The following TMEM156 variants were observed in gnomAD, a reference collection of about 807,000 sequenced individuals.
TMEM156 encodes transmembrane protein 156.
In TMEM156, 28 loss-of-function variants were observed where a neutral mutation model predicts 30.5. The ratio of observed to expected loss-of-function variants is 0.92; its 90% CI spans 0.68 to 1.26. The LOEUF (loss-of-function observed/expected upper bound fraction) is 1.26, where lower values mean the gene tolerates loss of function less well. Ranked by LOEUF, TMEM156 falls within the 50% of genes most tolerant of loss-of-function variation. The probability of loss-of-function intolerance (pLI) is 0.00; values close to 1 mark genes in which losing one functional copy is unlikely to be tolerated. For missense variants in TMEM156, 351 were observed against 340.6 expected (o/e 1.03, Z -0.24); for synonymous variants, 137 against 119.9 (o/e 1.14, Z -0.93).
At chr4:38,976,770 G>A (rs962624427) in intron 5 of TMEM156, among the ~76,000 whole-genome samples, 1 of 152,200 alleles carries the variant, frequency 6.6e-6, no homozygotes, top group Admixed American at 6.5e-5. Context: ...AGAAGCCTAG[G>A]AGCCTGGATT....
chr4:38,976,897 T>C (rs1722881835), intron 5 of TMEM156, among the ~76,000 whole-genome samples: 1 of 88,102 alleles, frequency 1.1e-5, no homozygotes, highest in Non-Finnish European at 2.7e-5. Flanking sequence ...TCTTTTGTTG[T>C]TGTTGTTGTT....
chr4:39,020,925 C>A (rs1714824500), intron 1 of TMEM156, among the ~76,000 whole-genome samples: 1 of 152,172 alleles, frequency 6.6e-6, no homozygotes, highest in South Asian at 2.1e-4. Flanking sequence ...CAACAGTATA[C>A]AAGGGTTCCC....
intron 1 of TMEM156, among the ~76,000 whole-genome samples, chr4:39,019,256 T>C (rs1000371390): frequency 6.6e-5 from 10 of 152,224 alleles, no homozygotes; most frequent in African/African-American, 2.4e-4. Flanking sequence ...TCCATGTCTC[T>C]TAACTTCTGT....
intron 4 of TMEM156, among the ~76,000 whole-genome samples, chr4:38,987,916 T>A (rs1712119384): frequency 6.6e-6 from 1 of 152,216 alleles, no homozygotes; most frequent in Non-Finnish European, 1.5e-5. Flanking sequence ...ACTCATATTA[T>A]GAATTGTCCA....
intron 1 of TMEM156, among the ~76,000 whole-genome samples, chr4:39,001,488 T>C (rs1450669164): frequency 6.6e-6 from 1 of 150,394 alleles, no homozygotes; most frequent in East Asian, 1.9e-4. Flanking sequence ...TGGGGCAAAA[T>C]ATATTTTTAA....
At chr4:39,031,861 C>A (rs951230625) in intron 1 of TMEM156, among the ~76,000 whole-genome samples, 1 of 121,152 alleles carries the variant, frequency 8.3e-6, no homozygotes. Context: ...CCAGCCTGAG[C>A]GACAGAGACT....
At chr4:39,005,206 T>C (rs575192164) in intron 1 of TMEM156, among the ~76,000 whole-genome samples, 2 of 152,330 alleles carry the variant, frequency 1.3e-5, no homozygotes, top group South Asian at 2.1e-4. Flanking sequence ...TCTTCTGTAA[T>C]GGAGCTTTGT....
intron 4 of TMEM156, 54 bp from the exon 5 acceptor site, chr4:38,986,473 C>A: frequency 2.3e-6 from 3 of 1,298,868 alleles, no homozygotes; most frequent in Non-Finnish European, 3.3e-6. Context: ...GCATTGTTAA[C>A]ATATATTCCC....
intron 1 of TMEM156, among the ~76,000 whole-genome samples, chr4:39,018,802 C>T (rs1714669780): frequency 6.6e-6 from 1 of 152,116 alleles, no homozygotes; most frequent in African/African-American, 2.4e-5. Flanking sequence ...GGGCAGATCA[C>T]CTTAGGTCAA....
chr4:38,983,084 A>T (rs116832064), intron 5 of TMEM156, among the ~76,000 whole-genome samples: 33 of 152,270 alleles, frequency 2.2e-4, no homozygotes, highest in African/African-American at 7.7e-4. Context: ...TGGCCCCAGC[A>T]GTTCAGAGGG....
intron 1 of TMEM156, among the ~76,000 whole-genome samples, chr4:39,014,736 C>T (rs1714366006): frequency 7.6e-6 from 1 of 132,284 alleles, no homozygotes; most frequent in African/African-American, 2.9e-5. Context: ...ACAGCCTGGG[C>T]AGCAAAGTGA....
At chr4:38,989,749 CA>C (rs1430671635) in intron 3 of TMEM156, among the ~76,000 whole-genome samples, 1 of 152,134 alleles carries the variant, frequency 6.6e-6, no homozygotes, top group Admixed American at 6.5e-5. Context: ...AGCTAACACA[CA>C]ACTGTCTACT....
chr4:38,998,595 T>C (rs1713097225), intron 2 of TMEM156, 45 bp downstream of exon 2: 1 of 1,525,504 alleles, frequency 6.6e-7, no homozygotes, highest in East Asian at 2.4e-5. Flanking sequence ...AATAAATTAA[T>C]TTATACCTGA....
intron 1 of TMEM156, among the ~76,000 whole-genome samples, chr4:39,026,484 A>C (rs1248850603): frequency 6.6e-6 from 1 of 152,236 alleles, no homozygotes. Context: ...CTAACAGATT[A>C]GAGAATAAAG....
chr4:39,025,612 G>C (rs1392030667), intron 1 of TMEM156, among the ~76,000 whole-genome samples: 1 of 152,180 alleles, frequency 6.6e-6, no homozygotes, highest in African/African-American at 2.4e-5. Flanking sequence ...AGGGAGCAAA[G>C]TTTGGGATAA....
chr4:39,030,545 T>C (rs1715451962), intron 1 of TMEM156, among the ~76,000 whole-genome samples: 1 of 152,188 alleles, frequency 6.6e-6, no homozygotes, highest in African/African-American at 2.4e-5. Flanking sequence ...AGGCCATGCT[T>C]CTCACTTTGA....
chr4:38,970,575 T>C (rs569157307), intron 6 of TMEM156, among the ~76,000 whole-genome samples: 2 of 152,142 alleles, frequency 1.3e-5, no homozygotes, highest in Admixed American at 6.5e-5. Context: ...TAAAAAAAAA[T>C]TTCAACACTT....
At chr4:39,024,922 T>C (rs913187808) in intron 1 of TMEM156, among the ~76,000 whole-genome samples, 3 of 152,240 alleles carry the variant, frequency 2.0e-5, no homozygotes, top group African/African-American at 7.2e-5. Flanking sequence ...TATTAGTTAT[T>C]CTATAGCATA....
intron 1 of TMEM156, among the ~76,000 whole-genome samples, chr4:39,006,205 T>A (rs985855570): frequency 1.3e-5 from 2 of 152,220 alleles, no homozygotes; most frequent in African/African-American, 4.8e-5. Flanking sequence ...TTCTTTCTTT[T>A]TGACACACAT....
Sources: gnomAD v4.1 joint callset for allele counts (sites outside exome capture counted in the v4.1 genomes callset) on GRCh38, gnomAD v4.1.1 for gene constraint, MANE v1.5 for transcripts, NCBI Gene and HGNC (gene_info 2026-07-23, HGNC 2026-07-21) for gene names.